DNAH9: variants seen among roughly 807,000 people sequenced by gnomAD.
DNAH9 encodes the protein DNAH9 variant protein.
In DNAH9, 345 loss-of-function variants were observed where a neutral mutation model predicts 471.6. The ratio of observed to expected loss-of-function variants is 0.73; its 90% CI spans 0.67 to 0.80. The LOEUF (loss-of-function observed/expected upper bound fraction) is 0.80, where lower values mean the gene tolerates loss of function less well. Ranked by LOEUF, DNAH9 falls within the 30% of genes least tolerant of loss-of-function variation. DNAH9 has a pLI of 0.00. For synonymous variants in DNAH9, 2,093 were observed against 2,123.6 expected (o/e 0.99, Z 0.40); for missense variants, 5,407 against 5,609.2 (o/e 0.96, Z 1.15).
chr17:11,907,636 C>T (rs4791484), intron 61 of DNAH9, among the ~76,000 whole-genome samples: 67,367 of 151,744 alleles, frequency 0.44, 14,983 homozygotes, highest in Non-Finnish European at 0.46. Flanking sequence ...GATTTTATTT[C>T]TGGTTTTCAA....
At position 11,698,312 on chromosome 17, in the gene DNAH9, AAAT is replaced by A. The variant is rs58256252; in HGVS notation, c.4873-1411_4873-1409del. ...ATAATTATATATTAGATTAGATAGA[AAAT>A]AATAATATATTAATATTCTATATTA... On this transcript the variant is annotated intron_variant, in intron 22 of 68. Coordinates refer to ENST00000262442, the MANE Select transcript of DNAH9 (RefSeq NM_001372.4). Among the ~76,000 whole-genome samples the A allele has an allele frequency of 9.6e-3, 1,324 of 138,534 alleles. 24 individuals carry two copies. The highest frequency in any genetic ancestry group is 0.031 in the African/African-American group (1,129 of 36,398). The allele number at this position is 138,534 out of a possible 152,430, so 90.9% of individuals were successfully genotyped here.
At chr17:11,945,707 G>C (rs969845728) in intron 67 of DNAH9, among the ~76,000 whole-genome samples, 11 of 151,954 alleles carry the variant, frequency 7.2e-5, no homozygotes, top group African/African-American at 2.4e-4. Flanking sequence ...TCACTATTCA[G>C]GTGACAAGTG....
intron 26 of DNAH9, among the ~76,000 whole-genome samples, chr17:11,718,656 A>C (rs1317067048): frequency 6.6e-6 from 1 of 152,222 alleles, no homozygotes; most frequent in Non-Finnish European, 1.5e-5. Context: ...TGTGTTTTAT[A>C]AATAGTTTTT....
In DNAH9 at chr17:11,902,836, T is replaced by C. The variant is rs117393932; in HGVS notation, c.11524T>C (p.Trp3842Arg). The C allele has an allele frequency of 1.9e-5, 31 of 1,613,334 alleles. No individual in the cohort carries two copies. Among genetic ancestry groups the C allele is most frequent in the Non-Finnish European group, 2.6e-5 (31 of 1,179,724 alleles). The change falls in exon 60 of 69, where the codon TGG becomes CGG. Residue 3842 changes from tryptophan to arginine, a missense_variant. By Grantham distance (101) the Trp-to-Arg change is moderately radical (BLOSUM62 -3). Coordinates refer to ENST00000262442, the MANE Select transcript of DNAH9 (RefSeq NM_001372.4). ...CPEKEKLPQE[W>R]KNKTALQRLC... ...TGAGAAAGAGAAGCTCCCACAGGAG[T>C]GGAAGAACAAGACAGCCCTGCAGCG...
At chr17:11,735,687 G>A (rs889583396) in intron 28 of DNAH9, among the ~76,000 whole-genome samples, 4 of 152,066 alleles carry the variant, frequency 2.6e-5, no homozygotes, top group East Asian at 1.9e-4. Flanking sequence ...CGCCCGCCTC[G>A]GCCTCCCAAA....
intron 28 of DNAH9, among the ~76,000 whole-genome samples, chr17:11,729,267 A>G (rs940395319): frequency 2.0e-5 from 3 of 152,076 alleles, no homozygotes; most frequent in Non-Finnish European, 4.4e-5. Context: ...GCCAGCTTCT[A>G]TTCCACATGC....
intron 50 of DNAH9, among the ~76,000 whole-genome samples, chr17:11,860,479 G>A (rs1184134354): frequency 6.6e-6 from 1 of 152,060 alleles, no homozygotes; most frequent in East Asian, 1.9e-4. Context: ...TAACAGTTTT[G>A]CAAAGTATTG....
intron 52 of DNAH9, 74 bp from the exon 53 acceptor site, chr17:11,874,875 G>T (rs984088455): frequency 1.9e-6 from 2 of 1,059,376 alleles, no homozygotes; most frequent in Admixed American, 3.7e-5. Flanking sequence ...GTCATTTGGT[G>T]AGTAACTGCA....
chr17:11,744,936 C>T lies in DNAH9; in HGVS notation c.6251C>T (p.Thr2084Ile). 6.2e-7 allele frequency: 1 copy of T among 1,614,212 alleles called. No homozygotes were observed. The highest frequency in any genetic ancestry group is 1.7e-5 in the Admixed American group (1 of 60,020). Reference protein sequence around the residue: ...LRDFNIPKIVTDDMPIFMGLI... With the variant: ...LRDFNIPKIVIDDMPIFMGLI... ...GATTTCAACATCCCCAAGATTGTGA[C>T]TGATGACATGCCCATCTTCATGGGC... Residue 2084 changes from threonine to isoleucine, a missense_variant, in exon 31 of 69, where the codon ACT becomes ATT. Thr to Ile is a moderately conservative substitution (Grantham distance 89). Coordinates refer to ENST00000262442, the MANE Select transcript of DNAH9 (RefSeq NM_001372.4).
chr17:11,945,762 G>A (rs1357013913), intron 67 of DNAH9, among the ~76,000 whole-genome samples: 1 of 151,634 alleles, frequency 6.6e-6, no homozygotes, highest in Admixed American at 6.6e-5. Flanking sequence ...ACACATGTGA[G>A]AAAGCTGCAC....
chr17:11,955,128 A>C (rs112897017), intron 67 of DNAH9, among the ~76,000 whole-genome samples: 52 of 152,304 alleles, frequency 3.4e-4, no homozygotes, highest in African/African-American at 1.2e-3. Flanking sequence ...TGTAAATCCT[A>C]CAGCAGCATT....
At chr17:11,784,870 A>G (rs1486595559) in intron 41 of DNAH9, among the ~76,000 whole-genome samples, 1 of 149,620 alleles carries the variant, frequency 6.7e-6, no homozygotes, top group Non-Finnish European at 1.5e-5. Flanking sequence ...ATGGCCCAAA[A>G]GAAAGAAAGA....
At position 11,874,995 on chromosome 17, in the gene DNAH9, T is replaced by C. The variant is rs761104429; in HGVS notation, c.10289T>C (p.Met3430Thr). ...TPALDPLRML[M>T]DDADVAAWQN... is the part of the protein sequence containing the mutation. Reference sequence around the variant, plus strand: ...GCCCTGGATCCCCTGAGGATGCTGATGGATGATGCTGACGTGGCTGCCTGG... The same window carrying C: ...GCCCTGGATCCCCTGAGGATGCTGACGGATGATGCTGACGTGGCTGCCTGG... The change falls in exon 53 of 69, where the codon ATG becomes ACG. Residue 3430 changes from methionine to threonine, a missense_variant. Around this residue, in one of 3 missense-constraint regions of DNAH9, gnomAD observed 4,636 missense variants for 4,900.3 expected, o/e 0.95. Coordinates refer to ENST00000262442, the MANE Select transcript of DNAH9 (RefSeq NM_001372.4). 14 of 1,614,004 alleles carry C rather than the reference T, an allele frequency of 8.7e-6. No individual in the cohort carries two copies. The highest frequency in any genetic ancestry group is 1.1e-5 in the Non-Finnish European group (13 of 1,180,034).
chr17:11,665,644 A>G (rs1440680657), intron 15 of DNAH9, among the ~76,000 whole-genome samples: 1 of 152,248 alleles, frequency 6.6e-6, no homozygotes, highest in Non-Finnish European at 1.5e-5. Flanking sequence ...TGAAATGGAC[A>G]GGGCAGAAGA....
At chr17:11,632,357 C>T (rs1467650683) in intron 7 of DNAH9, among the ~76,000 whole-genome samples, 2 of 152,210 alleles carry the variant, frequency 1.3e-5, no homozygotes, top group African/African-American at 4.8e-5. Context: ...GAACACCAAA[C>T]TCACATCTAA....
At chr17:11,599,107 A>G (rs2072330673) in intron 1 of DNAH9, among the ~76,000 whole-genome samples, 192 bp downstream of exon 1, 1 of 151,890 alleles carries the variant, frequency 6.6e-6, no homozygotes, top group African/African-American at 2.4e-5. Context: ...AGTCAGGAAG[A>G]AAATGGGATG....
chr17:11,868,378 T>C (rs1303199468), intron 50 of DNAH9, among the ~76,000 whole-genome samples: 1 of 152,198 alleles, frequency 6.6e-6, no homozygotes, highest in Non-Finnish European at 1.5e-5. Context: ...TTTGGAGGTA[T>C]CTGCTGTGTG....
chr17:11,955,754 T>G (rs895067755), intron 67 of DNAH9, among the ~76,000 whole-genome samples: 1 of 152,192 alleles, frequency 6.6e-6, no homozygotes, highest in African/African-American at 2.4e-5. Context: ...GAGTGCATCC[T>G]CTCTCCAGCA....
intron 31 of DNAH9, among the ~76,000 whole-genome samples, chr17:11,746,694 A>G (rs1484268151): frequency 1.3e-5 from 2 of 152,222 alleles, no homozygotes; most frequent in African/African-American, 2.4e-5. Context: ...CAGGAAAGGA[A>G]TGAAATTTAA....
Sources: allele counts gnomAD v4.1 joint callset (sites outside exome capture counted in the v4.1 genomes callset), GRCh38; gene constraint gnomAD v4.1.1; regional missense constraint gnomAD v4.1.1; transcripts MANE v1.5; gene names NCBI Gene and HGNC (gene_info 2026-07-23, HGNC 2026-07-21).